TMC1: variants seen among roughly 807,000 people sequenced by gnomAD.
TMC1 encodes the protein transmembrane channel-like protein 1.
Under a neutral mutation model 105.8 loss-of-function variants are expected in TMC1, and 84 were observed. The ratio of observed to expected loss-of-function variants is 0.79; its 90% CI spans 0.67 to 0.95. The LOEUF is 0.95. Among genes scored for constraint, TMC1 ranks in the 40% least tolerant of loss-of-function variants. The pLI, the probability that TMC1 is intolerant of heterozygous loss-of-function variation, is 0.00. For synonymous variants in TMC1, 315 were observed against 311.5 expected (o/e 1.01, Z -0.12); for missense variants, 817 against 914.1 (o/e 0.89, Z 1.37).
chr9:72,687,846 C>A lies in TMC1; in HGVS notation c.17-863C>A, dbSNP rs115161541. 2.4e-3 allele frequency among the ~76,000 whole-genome samples: 364 copies of A among 152,110 alleles called. 4 individuals are homozygous for A. The highest frequency in any genetic ancestry group is 8.4e-3 in the African/African-American group (350 of 41,508). ...CCTTAAATAAAAATATGATAAAATT[C>A]ATGTTTTATAAGCAAGTTAATAGAC... On this transcript the variant is annotated intron_variant, in intron 5 of 23. Coordinates refer to ENST00000297784, the MANE Select transcript of TMC1 (RefSeq NM_138691.3).
chr9:72,623,597 C>T (rs1043915237), intron 3 of TMC1, among the ~76,000 whole-genome samples: 2 of 152,080 alleles, frequency 1.3e-5, no homozygotes, highest in African/African-American at 4.8e-5. Context: ...ACTGGGAGTT[C>T]TAATGAGCAG....
chr9:72,643,285 A>G (rs1466585570), intron 4 of TMC1, among the ~76,000 whole-genome samples: 1 of 152,134 alleles, frequency 6.6e-6, no homozygotes, highest in Non-Finnish European at 1.5e-5. Context: ...TTGTATTTCA[A>G]TAGCTCTATT....
intron 1 of TMC1, among the ~76,000 whole-genome samples, chr9:72,523,691 G>A (rs927309740): frequency 4.6e-5 from 7 of 152,026 alleles, no homozygotes; most frequent in African/African-American, 1.7e-4. Context: ...TAGAGGTGCA[G>A]GAGGTGGAAG....
Position 72,564,646 on chromosome 9 carries a change from T to C in TMC1, c.-427-13256T>C, listed in dbSNP as rs910243173. On this transcript the variant is annotated intron_variant, in intron 1 of 23. Coordinates refer to ENST00000297784, the MANE Select transcript of TMC1 (RefSeq NM_138691.3). ...CTTTTCCATCCAAGACAAAACCACA[T>C]GGACATTGAAAAGAACTGGCATTTG... Among the ~76,000 whole-genome samples the C allele has an allele frequency of 8.5e-5, 13 of 152,308 alleles. No individual in the cohort carries two copies. The East Asian group carries it at 2.1e-3, about 25-fold the overall frequency.
chr9:72,533,212 A>G (rs568846039), intron 1 of TMC1, among the ~76,000 whole-genome samples: 1 of 152,310 alleles, frequency 6.6e-6, no homozygotes, highest in East Asian at 1.9e-4. Context: ...TTTGTGGAAT[A>G]TATTCATCCA....
chr9:72,558,122 C>T (rs1488292212), intron 1 of TMC1, among the ~76,000 whole-genome samples: 2 of 152,002 alleles, frequency 1.3e-5, no homozygotes, highest in Admixed American at 1.3e-4. Context: ...TTCTAATTTG[C>T]CTGTGTATTT....
intron 1 of TMC1, among the ~76,000 whole-genome samples, chr9:72,545,158 A>G (rs1823744861): frequency 6.6e-6 from 1 of 151,672 alleles, no homozygotes; most frequent in South Asian, 2.1e-4. Context: ...ACACACACAC[A>G]CACATATATA....
chr9:72,578,804 A>T (rs12349486), intron 2 of TMC1, among the ~76,000 whole-genome samples: 20,392 of 152,082 alleles, frequency 0.13, 1,860 homozygotes, highest in African/African-American at 0.24. Flanking sequence ...AGCCTTTCTC[A>T]ATTTCTGGCA....
intron 8 of TMC1, among the ~76,000 whole-genome samples, chr9:72,734,584 G>A (rs2793167): frequency 0.23 from 34,263 of 151,558 alleles, 4,144 homozygotes; most frequent in East Asian, 0.39. Flanking sequence ...TTGTACCTTC[G>A]AGTAGCTTCT....
intron 8 of TMC1, among the ~76,000 whole-genome samples, chr9:72,718,618 A>C (rs1826962842): frequency 6.6e-6 from 1 of 152,108 alleles, no homozygotes; most frequent in African/African-American, 2.4e-5. Flanking sequence ...CAGAGGAGTA[A>C]AACAGACTCT....
At chr9:72,620,755 T>C (rs1054958340) in intron 3 of TMC1, among the ~76,000 whole-genome samples, 2 of 151,892 alleles carry the variant, frequency 1.3e-5, no homozygotes, top group African/African-American at 4.8e-5. Flanking sequence ...AATTACATGG[T>C]ACCTCCAGGT....
intron 2 of TMC1, among the ~76,000 whole-genome samples, chr9:72,603,848 G>GTTTTTTTT (rs534608884): frequency 1.2e-4 from 9 of 74,008 alleles, no homozygotes; most frequent in Admixed American, 2.0e-4. Flanking sequence ...GCGACCGGCT[G>GTTTTTTTT]TTTTTTTTTT....
chr9:72,641,284 G>A (rs1259007663), intron 4 of TMC1, among the ~76,000 whole-genome samples: 2 of 151,998 alleles, frequency 1.3e-5, no homozygotes, highest in Non-Finnish European at 2.9e-5. Flanking sequence ...AGTAGAGATG[G>A]TGCTTTACCA....
At chr9:72,699,910 T>C (rs1490495471) in intron 7 of TMC1, among the ~76,000 whole-genome samples, 3 of 139,056 alleles carry the variant, frequency 2.2e-5, no homozygotes, top group African/African-American at 8.5e-5. Flanking sequence ...TGAGCCGAGA[T>C]TGTCCCACTG....
chr9:72,827,500 CTG>C (rs1828975300), intron 21 of TMC1, among the ~76,000 whole-genome samples: 1 of 152,200 alleles, frequency 6.6e-6, no homozygotes, highest in African/African-American at 2.4e-5. Flanking sequence ...CCGCCAATAA[CTG>C]TGTGTTCACG....
At chr9:72,762,456 G>A (rs1382615126) in intron 12 of TMC1, among the ~76,000 whole-genome samples, 1 of 152,170 alleles carries the variant, frequency 6.6e-6, no homozygotes, top group Non-Finnish European at 1.5e-5. Flanking sequence ...TGTTGTTGCT[G>A]TTATTTAGTT....
At chr9:72,681,962 T>C (rs1178779239) in intron 5 of TMC1, among the ~76,000 whole-genome samples, 10 of 151,988 alleles carry the variant, frequency 6.6e-5, no homozygotes, top group Non-Finnish European at 1.3e-4. Context: ...GCCTAAAGAG[T>C]CTCAGAAAAT....
chr9:72,656,044 A>G, intron 5 of TMC1: 4 of 725,228 alleles, frequency 5.5e-6, no homozygotes, highest in South Asian at 5.4e-5. Context: ...TGGTCTTTTC[A>G]CTTTGAGATT....
intron 1 of TMC1, among the ~76,000 whole-genome samples, chr9:72,522,745 C>T (rs1431815200): frequency 1.3e-5 from 2 of 152,166 alleles, no homozygotes; most frequent in Admixed American, 6.5e-5. Context: ...AATATTAAAA[C>T]TGTTTGGATT....
Sources: allele counts gnomAD v4.1 joint callset (sites outside exome capture counted in the v4.1 genomes callset), GRCh38; gene constraint gnomAD v4.1.1; transcripts MANE v1.5; gene names NCBI Gene and HGNC (gene_info 2026-07-23, HGNC 2026-07-21).